The following GLIS1 variants were observed in gnomAD, a reference collection of about 807,000 sequenced individuals.
GLIS1 encodes zinc finger protein GLIS1.
Under a neutral mutation model 63.8 loss-of-function variants are expected in GLIS1, and 24 were observed. That is an observed-to-expected ratio of 0.38 (90% CI 0.27 to 0.53). The LOEUF (loss-of-function observed/expected upper bound fraction) is 0.53. Among genes scored for constraint, GLIS1 ranks in the 20% least tolerant of loss-of-function variants. The probability of loss-of-function intolerance (pLI) is 0.85; values close to 1 mark genes in which losing one functional copy is unlikely to be tolerated. For missense variants in GLIS1, 1,036 were observed against 1,074.1 expected, an observed-to-expected ratio of 0.96 and a Z score of 0.50; for synonymous variants, 450 against 482.5, an observed-to-expected ratio of 0.93 and a Z score of 0.88.
In GLIS1 at chr1:53,687,005, C is replaced by T. The variant is rs186122642; in HGVS notation, c.259+50801G>A. Among the ~76,000 whole-genome samples the T allele has an allele frequency of 8.1e-4, 123 of 152,268 alleles. 1 individual carries two copies. The highest frequency in any genetic ancestry group is 2.8e-3 in the African/African-American group (116 of 41,552). On this transcript the variant is annotated intron_variant, in intron 2 of 10. Coordinates refer to ENST00000628545, the MANE Select transcript of GLIS1 (RefSeq NM_001367484.1). ...TTCCAGAGCTGTGTATAGGAGGCTC[C>T]CAAGAGCTACTCCACTGCCAGTGAG...
chr1:53,728,979 G>T (rs577080095), intron 2 of GLIS1, among the ~76,000 whole-genome samples: 102 of 152,364 alleles, frequency 6.7e-4, no homozygotes, highest in Middle Eastern at 3.4e-3. Context: ...TGTCTCTACA[G>T]ATGTGTGTAG....
chr1:53,578,754 T>C (rs115318611), intron 4 of GLIS1, among the ~76,000 whole-genome samples: 1,946 of 152,366 alleles, frequency 0.013, 42 homozygotes, highest in African/African-American at 0.044. Flanking sequence ...ATAGATCTTT[T>C]ATTGTAACTA....
intron 2 of GLIS1, among the ~76,000 whole-genome samples, chr1:53,621,975 T>C (rs1255896992): frequency 1.3e-5 from 2 of 152,126 alleles, no homozygotes; most frequent in Non-Finnish European, 2.9e-5. Context: ...CTGTATTTTT[T>C]AGTAGAGATG....
At chr1:53,610,696 A>C (rs754253322) in intron 2 of GLIS1, among the ~76,000 whole-genome samples, 4 of 152,120 alleles carry the variant, frequency 2.6e-5, no homozygotes, top group Admixed American at 6.5e-5. Context: ...GGAATTCTTA[A>C]ATATGTGTCA....
At position 53,594,180 on chromosome 1, in the gene GLIS1, C is replaced by T. The variant is rs1645223075; in HGVS notation, c.1248G>A (p.Lys416=). The T allele has an allele frequency of 6.2e-7, 1 of 1,614,028 alleles. No homozygotes were observed. Among genetic ancestry groups the T allele is most frequent in the Non-Finnish European group, 8.5e-7 (1 of 1,179,966 alleles). The change falls in exon 4 of 11, where the codon AAG becomes AAA. Residue 416 remains lysine (K), a synonymous_variant. Transcript: ENST00000628545. The part of the protein sequence containing the change: ...CFWAGCVRRY[K]PFNARYKLLI... The stretch of plus-strand genomic sequence containing the variant: ...GCAGCTTGTAGCGGGCGTTGAAGGG[C>T]TTGTAGCGGCGCACGCAGCCAGCCC...
At chr1:53,689,956 T>C (rs1489422652) in intron 2 of GLIS1, among the ~76,000 whole-genome samples, 2 of 152,158 alleles carry the variant, frequency 1.3e-5, no homozygotes, top group East Asian at 3.9e-4. Context: ...GGAATGCCTT[T>C]CCCCTTGCTG....
chr1:53,604,095 C>G (rs1296936243), intron 2 of GLIS1, among the ~76,000 whole-genome samples: 1 of 152,232 alleles, frequency 6.6e-6, no homozygotes, highest in Non-Finnish European at 1.5e-5. Flanking sequence ...AATATGAACA[C>G]AATGCATTTG....
intron 4 of GLIS1, among the ~76,000 whole-genome samples, chr1:53,554,828 A>C: frequency 6.6e-6 from 1 of 151,316 alleles, no homozygotes; most frequent in South Asian, 2.1e-4. Flanking sequence ...CCCTCGACAC[A>C]CCCCCTGTCC....
intron 2 of GLIS1, among the ~76,000 whole-genome samples, chr1:53,684,558 C>T (rs545919149): frequency 2.0e-5 from 3 of 152,270 alleles, no homozygotes; most frequent in East Asian, 1.9e-4. Context: ...ATCTTGCTCT[C>T]GCCAAAGAAA....
intron 2 of GLIS1, among the ~76,000 whole-genome samples, chr1:53,679,324 G>C (rs1045361536): frequency 2.0e-5 from 3 of 152,200 alleles, no homozygotes; most frequent in Non-Finnish European, 4.4e-5. Flanking sequence ...TAACTACAAG[G>C]CATTTCAAGA....
At chr1:53,644,622 C>G (rs1645822762) in intron 2 of GLIS1, among the ~76,000 whole-genome samples, 1 of 152,124 alleles carries the variant, frequency 6.6e-6, no homozygotes, top group South Asian at 2.1e-4. Flanking sequence ...TGAAGGTGGG[C>G]ACCACAGAGT....
At chr1:53,739,001 G>A (rs1318873144) in intron 1 of GLIS1, among the ~76,000 whole-genome samples, 104 bp downstream of exon 1, 1 of 152,070 alleles carries the variant, frequency 6.6e-6, no homozygotes, top group Non-Finnish European at 1.5e-5. Flanking sequence ...CGCTCCCTGC[G>A]CCATCCCCAA....
At chr1:53,537,889 A>G (rs1644598152) in intron 4 of GLIS1, among the ~76,000 whole-genome samples, 1 of 152,268 alleles carries the variant, frequency 6.6e-6, no homozygotes, top group South Asian at 2.1e-4. Flanking sequence ...CTGGCAGGCC[A>G]TTCAGGGATC....
At chr1:53,635,504 G>A (rs1645714110) in intron 2 of GLIS1, among the ~76,000 whole-genome samples, 1 of 151,434 alleles carries the variant, frequency 6.6e-6, no homozygotes, top group African/African-American at 2.4e-5. Context: ...GTGTTTGTTA[G>A]AAGTGTTGAA....
intron 4 of GLIS1, among the ~76,000 whole-genome samples, chr1:53,551,888 T>TACTCC (rs1644763558): frequency 6.6e-6 from 1 of 152,166 alleles, no homozygotes; most frequent in East Asian, 1.9e-4. Context: ...CTCTGCCATA[T>TACTCC]ACTCCTTCTC....
At chr1:53,643,914 C>G (rs1488881824) in intron 2 of GLIS1, among the ~76,000 whole-genome samples, 1 of 152,178 alleles carries the variant, frequency 6.6e-6, no homozygotes, top group Non-Finnish European at 1.5e-5. Context: ...AGATGAGGCT[C>G]GGAGCCAGGG....
intron 2 of GLIS1, among the ~76,000 whole-genome samples, chr1:53,695,576 G>A (rs1459977141): frequency 1.3e-5 from 2 of 152,212 alleles, no homozygotes; most frequent in African/African-American, 4.8e-5. Context: ...CAGCACAGCG[G>A]AGGGCTCAGC....
chr1:53,629,896 G>A (rs1645634134), intron 2 of GLIS1, among the ~76,000 whole-genome samples: 1 of 152,188 alleles, frequency 6.6e-6, no homozygotes. Context: ...ATATGGAAAT[G>A]CCTTGGATTT....
intron 4 of GLIS1, among the ~76,000 whole-genome samples, chr1:53,569,336 C>T (rs72899262): frequency 0.015 from 2,279 of 152,212 alleles, 64 homozygotes; most frequent in African/African-American, 0.053. Flanking sequence ...GTTCGTTGAT[C>T]GTAACAAATG....
Sources: allele counts gnomAD v4.1 joint callset (sites outside exome capture counted in the v4.1 genomes callset), GRCh38; gene constraint gnomAD v4.1.1; transcripts MANE v1.5; gene names NCBI Gene and HGNC (gene_info 2026-07-23, HGNC 2026-07-21).